Variants in DPP6 observed in about 807,000 individuals in gnomAD.
DPP6 encodes A-type potassium channel modulatory protein DPP6.
DPP6 carries 69 observed loss-of-function variants against 122.6 expected under a neutral mutation model. The ratio of observed to expected loss-of-function variants is 0.56; its 90% CI spans 0.46 to 0.69. DPP6 has a LOEUF of 0.69. DPP6 is among the 30% of genes least tolerant of loss of function. The probability of loss-of-function intolerance (pLI) is 0.00; values close to 1 mark genes in which losing one functional copy is unlikely to be tolerated. For synonymous variants in DPP6, 418 were observed against 433.1 expected, an observed-to-expected ratio of 0.97 and a Z score of 0.43; for missense variants, 928 against 1,116.9, an observed-to-expected ratio of 0.83 and a Z score of 2.41.
chr7:154,652,938 G>T (rs571911855), intron 6 of DPP6, among the ~76,000 whole-genome samples: 6 of 152,286 alleles, frequency 3.9e-5, no homozygotes, highest in Non-Finnish European at 8.8e-5. Context: ...AGAGGAGGGA[G>T]CACCTGTCTG....
Position 153,946,227 on chromosome 7 carries a change from C to T in DPP6, c.51+58493C>T, listed in dbSNP as rs114160473. Among the ~76,000 whole-genome samples the T allele has an allele frequency of 1.6e-3, 248 of 152,238 alleles. 2 individuals are homozygous for T. The highest frequency in any genetic ancestry group is 5.7e-3 in the African/African-American group (237 of 41,530). On this transcript the variant is annotated intron_variant, in intron 1 of 25. Coordinates refer to the DPP6 transcript ENST00000404039. The stretch of plus-strand genomic sequence containing the variant: ...GAGAAATAAAGAAACAAAAGAATGG[C>T]TACTCCGTAGGCAGAGCAGTGGCAT...
At chr7:154,109,367 T>TG (rs1187912152) in intron 1 of DPP6, among the ~76,000 whole-genome samples, 1 of 152,212 alleles carries the variant, frequency 6.6e-6, no homozygotes, top group Non-Finnish European at 1.5e-5. Flanking sequence ...CTCAGTTCAT[T>TG]GCAACCTCTG....
intron 21 of DPP6, chr7:154,883,989 CACAT>C (rs1016687045): frequency 1.4e-5 from 2 of 146,264 alleles, no homozygotes; most frequent in African/African-American, 2.6e-5. Context: ...CACATGCTCA[CACAT>C]ACACATGCTC....
At chr7:154,338,578 T>C (rs1034261424) in intron 1 of DPP6, among the ~76,000 whole-genome samples, 1 of 152,218 alleles carries the variant, frequency 6.6e-6, no homozygotes, top group African/African-American at 2.4e-5. Flanking sequence ...CCAGTGTTAA[T>C]TTCCATCGCT....
intron 1 of DPP6, among the ~76,000 whole-genome samples, chr7:153,928,784 G>T (rs1801041549): frequency 1.3e-5 from 2 of 152,076 alleles, no homozygotes; most frequent in Non-Finnish European, 1.5e-5. Flanking sequence ...CATTGATTTT[G>T]TGCTGTATTT....
intron 1 of DPP6, among the ~76,000 whole-genome samples, chr7:154,420,961 A>G (rs1206341481): frequency 2.6e-5 from 4 of 152,160 alleles, no homozygotes; most frequent in African/African-American, 9.7e-5. Context: ...TCTTATATGA[A>G]GTGTTCTTAC....
chr7:153,801,193 A>G, the DPP6 span, among the ~76,000 whole-genome samples: 3 of 147,758 alleles, frequency 2.0e-5, no homozygotes, highest in African/African-American at 7.6e-5. Flanking sequence ...TTTTTAGACA[A>G]TGTTCTAGTT....
chr7:153,833,187 C>T, the DPP6 span, among the ~76,000 whole-genome samples: 1 of 152,192 alleles, frequency 6.6e-6, no homozygotes, highest in Admixed American at 6.5e-5. Context: ...TTCAGTGGAA[C>T]TGCATGCACG....
At chr7:154,439,369 C>G (rs1819169780) in intron 1 of DPP6, among the ~76,000 whole-genome samples, 1 of 152,188 alleles carries the variant, frequency 6.6e-6, no homozygotes, top group South Asian at 2.1e-4. Flanking sequence ...CATCTTTTCA[C>G]TGAAAGGGAT....
chr7:154,355,826 C>T (rs1291405944), intron 1 of DPP6, among the ~76,000 whole-genome samples: 5 of 152,134 alleles, frequency 3.3e-5, no homozygotes, highest in South Asian at 2.1e-4. Context: ...TTGCCCTTTA[C>T]GTTTTCATTA....
At chr7:154,654,131 G>A (rs1435361410) in intron 6 of DPP6, among the ~76,000 whole-genome samples, 5 of 152,106 alleles carry the variant, frequency 3.3e-5, no homozygotes, top group Admixed American at 1.3e-4. Flanking sequence ...TAAAGGATAC[G>A]GGAGGATGTG....
chr7:154,417,338 T>C (rs1386676752), intron 1 of DPP6, among the ~76,000 whole-genome samples: 1 of 152,132 alleles, frequency 6.6e-6, no homozygotes, highest in East Asian at 1.9e-4. Context: ...AGGTTTGGGG[T>C]GATGGCCCCC....
In DPP6 at chr7:154,174,633, C is replaced by G. The variant is rs140067150; in HGVS notation, c.243+121570C>G. On this transcript the variant is annotated intron_variant, in intron 1 of 25. Transcript: ENST00000377770. Reference sequence around the variant, plus strand: ...GTTTTGTTTAGAATTTTCTTTTTATCACCATTTCTTCATTACTGGAAGCCT... The same window carrying G: ...GTTTTGTTTAGAATTTTCTTTTTATGACCATTTCTTCATTACTGGAAGCCT... 3.9e-3 allele frequency among the ~76,000 whole-genome samples: 597 copies of G among 152,314 alleles called. 5 individuals are homozygous for G. Among genetic ancestry groups the G allele is most frequent in the African/African-American group, 0.014 (565 of 41,548 alleles).
At chr7:154,837,348 G>GCA (rs200380574) in intron 16 of DPP6, among the ~76,000 whole-genome samples, 7,751 of 150,082 alleles carry the variant, frequency 0.052, 664 homozygotes, top group African/African-American at 0.18. Context: ...ATGCACACAT[G>GCA]CACACATGCA....
chr7:154,181,431 T>A (rs960947856), intron 1 of DPP6, among the ~76,000 whole-genome samples: 6 of 152,158 alleles, frequency 3.9e-5, no homozygotes, highest in African/African-American at 1.2e-4. Flanking sequence ...TCTGCTGGTT[T>A]ATGTAAGACA....
chr7:154,752,564 G>A (rs2131469064), intron 8 of DPP6, among the ~76,000 whole-genome samples: 1 of 152,310 alleles, frequency 6.6e-6, no homozygotes, highest in African/African-American at 2.4e-5. Context: ...GCTTGGAGAG[G>A]CTGCTGGCCT....
intron 1 of DPP6, among the ~76,000 whole-genome samples, chr7:154,110,380 G>C (rs994521670): frequency 1.3e-5 from 2 of 152,128 alleles, no homozygotes; most frequent in African/African-American, 4.8e-5. Flanking sequence ...CACTATGACT[G>C]AATCAAAAAG....
At chr7:154,691,356 C>T (rs890252722) in intron 7 of DPP6, among the ~76,000 whole-genome samples, 21 of 152,176 alleles carry the variant, frequency 1.4e-4, no homozygotes, top group African/African-American at 5.1e-4. Flanking sequence ...AGGCCCAGAA[C>T]TCCAAGCAGG....
intron 8 of DPP6, among the ~76,000 whole-genome samples, chr7:154,759,930 A>T (rs1300795173): frequency 1.3e-5 from 2 of 152,194 alleles, no homozygotes; most frequent in African/African-American, 2.4e-5. Context: ...AAGACCATCC[A>T]GGCCAATATG....
Sources: allele counts gnomAD v4.1 joint callset (sites outside exome capture counted in the v4.1 genomes callset), GRCh38; gene constraint gnomAD v4.1.1; transcripts MANE v1.5; gene names NCBI Gene and HGNC (gene_info 2026-07-23, HGNC 2026-07-21).